ELOVL6: variants seen among roughly 807,000 people sequenced by gnomAD.
The protein encoded by ELOVL6 is ELOVL fatty acid elongase 6, also known as very long chain fatty acid elongase 6.
In ELOVL6, 8 loss-of-function variants were observed where a neutral mutation model predicts 31.7. The observed-to-expected ratio is 0.25, with a 90% CI of 0.15 to 0.45. ELOVL6 has a LOEUF of 0.45. Among genes scored for constraint, ELOVL6 ranks in the 20% least tolerant of loss-of-function variants. The probability of loss-of-function intolerance (pLI) is 1.00; values close to 1 mark genes in which losing one functional copy is unlikely to be tolerated. For missense variants in ELOVL6, 126 were observed against 326.4 expected (o/e 0.39, Z 4.73); for synonymous variants, 101 against 117.7 (o/e 0.86, Z 0.92).
chr4:110,079,328 G>T (rs1414411661), intron 2 of ELOVL6, among the ~76,000 whole-genome samples: 1 of 152,086 alleles, frequency 6.6e-6, no homozygotes, highest in Non-Finnish European at 1.5e-5. Flanking sequence ...AAAATTGACT[G>T]CATAGTTGGA....
chr4:110,190,655 C>A (rs1759587616), intron 1 of ELOVL6, among the ~76,000 whole-genome samples: 1 of 152,110 alleles, frequency 6.6e-6, no homozygotes, highest in African/African-American at 2.4e-5. Context: ...CAGGCGCCCG[C>A]CACCACGCCC....
chr4:110,101,069 T>A (rs570920309), intron 2 of ELOVL6, among the ~76,000 whole-genome samples: 1 of 152,352 alleles, frequency 6.6e-6, no homozygotes, highest in South Asian at 2.1e-4. Context: ...TGAGACAGTC[T>A]TGCTCTGTAG....
At chr4:110,140,311 A>G (rs557905260) in intron 1 of ELOVL6, among the ~76,000 whole-genome samples, 1 of 152,238 alleles carries the variant, frequency 6.6e-6, no homozygotes, top group African/African-American at 2.4e-5. Context: ...CTTACTTCCT[A>G]AACTTTGTGC....
chr4:110,140,894 C>G (rs1214574434), intron 1 of ELOVL6, among the ~76,000 whole-genome samples: 2 of 151,902 alleles, frequency 1.3e-5, no homozygotes, highest in African/African-American at 4.8e-5. Context: ...TAAAGACATA[C>G]CCAAGACTGG....
chr4:110,135,851 G>A (rs897730864), intron 1 of ELOVL6, among the ~76,000 whole-genome samples: 2 of 152,210 alleles, frequency 1.3e-5, no homozygotes, highest in African/African-American at 4.8e-5. Flanking sequence ...GAAGAGAGAA[G>A]ACTGATCACA....
At chr4:110,197,529 G>A (rs1239720478) in intron 1 of ELOVL6, among the ~76,000 whole-genome samples, 2 of 152,118 alleles carry the variant, frequency 1.3e-5, no homozygotes, top group East Asian at 3.9e-4. Context: ...AGGCGTTTCC[G>A]TAAAACAGAA....
At chr4:110,089,697 A>G (rs919339618) in intron 2 of ELOVL6, among the ~76,000 whole-genome samples, 2 of 149,372 alleles carry the variant, frequency 1.3e-5, no homozygotes, top group Non-Finnish European at 3.0e-5. Flanking sequence ...TCCTTGCCCA[A>G]TGAGAGCTTA....
intron 1 of ELOVL6, among the ~76,000 whole-genome samples, chr4:110,130,546 G>A (rs1284217336): frequency 6.6e-6 from 1 of 152,110 alleles, no homozygotes; most frequent in Non-Finnish European, 1.5e-5. Context: ...GGATGCTAAA[G>A]CAAAACCAAC....
intron 2 of ELOVL6, among the ~76,000 whole-genome samples, chr4:110,062,603 A>G (rs1231416810): frequency 2.0e-5 from 3 of 152,198 alleles, no homozygotes; most frequent in Non-Finnish European, 4.4e-5. Context: ...TTCCTCCCCA[A>G]GTTACATTAG....
At chr4:110,096,581 G>C (rs1001673366) in intron 2 of ELOVL6, among the ~76,000 whole-genome samples, 1 of 152,162 alleles carries the variant, frequency 6.6e-6, no homozygotes. Context: ...GGGGATCTGA[G>C]CTAGTCTGGG....
intron 1 of ELOVL6, among the ~76,000 whole-genome samples, chr4:110,107,251 G>A (rs977349018): frequency 6.6e-6 from 1 of 152,140 alleles, no homozygotes; most frequent in Non-Finnish European, 1.5e-5. Flanking sequence ...CAACCCATAA[G>A]TAAATGTTGA....
intron 1 of ELOVL6, among the ~76,000 whole-genome samples, chr4:110,135,521 G>T (rs1757787047): frequency 6.6e-6 from 1 of 152,138 alleles, no homozygotes; most frequent in Admixed American, 6.5e-5. Context: ...AGCTCAATAG[G>T]AACACTTACA....
intron 2 of ELOVL6, among the ~76,000 whole-genome samples, chr4:110,069,173 G>GATAATAATAATAATAAT (rs1560805300): frequency 4.6e-4 from 47 of 102,850 alleles, no homozygotes; most frequent in African/African-American, 1.7e-3. Context: ...ATAATAATAG[G>GATAATAATAATAATAAT]GACACTTGGT....
chr4:110,152,639 T>C (rs1758308037), intron 1 of ELOVL6, among the ~76,000 whole-genome samples: 2 of 152,230 alleles, frequency 1.3e-5, no homozygotes, highest in South Asian at 4.2e-4. Flanking sequence ...ATTCAGTGGG[T>C]CTGGGGTGGG....
chr4:110,104,983 G>C (rs79601358), intron 2 of ELOVL6, among the ~76,000 whole-genome samples: 4 of 152,180 alleles, frequency 2.6e-5, no homozygotes, highest in Admixed American at 2.6e-4. Context: ...AGTCAGTTCG[G>C]GGAATGAGGG....
chr4:110,047,899 A>AAC lies in ELOVL6; in HGVS notation c.*3438_*3439insGT, dbSNP rs1381466886. 6.6e-6 allele frequency: 1 copy of AAC among 151,032 alleles called. No individual in the cohort carries two copies. The highest frequency in any genetic ancestry group is 1.5e-5 in the Non-Finnish European group (1 of 67,854). 9.4% of individuals were successfully genotyped at this position (151,032 alleles called of 1,614,324 possible). ...CAGCAAGAATCCACCTCAAAAAAAA[A>AAC]AAAAAAAAAAAAAAGAAAGACATTC... On this transcript the variant is annotated 3_prime_UTR_variant, in exon 4 of 4. Coordinates refer to ENST00000302274, the MANE Select transcript of ELOVL6 (RefSeq NM_024090.3).
rs539605488 is a variant in ELOVL6 at position 110,190,650 on chromosome 4, G to A, written c.89+7597C>T. ...CCCTGGAGTAGCTGGGATTACAGGCGCCCGCCACCACGCCCGGCTAATTTT... is the reference window on the plus strand; with the variant it reads ...CCCTGGAGTAGCTGGGATTACAGGCACCCGCCACCACGCCCGGCTAATTTT... On this transcript the variant is annotated intron_variant, in intron 1 of 3. Coordinates refer to ENST00000302274, the MANE Select transcript of ELOVL6 (RefSeq NM_024090.3). Among the ~76,000 whole-genome samples, 244 of 151,980 alleles carry A rather than the reference G, an allele frequency of 1.6e-3. 1 individual carries two copies. The highest frequency in any genetic ancestry group is 5.6e-3 in the African/African-American group (232 of 41,468).
intron 1 of ELOVL6, among the ~76,000 whole-genome samples, chr4:110,190,975 T>C (rs896841743): frequency 2.0e-5 from 3 of 151,776 alleles, no homozygotes; most frequent in Non-Finnish European, 2.9e-5. Flanking sequence ...CGTACCACCA[T>C]GACCAGCTAA....
intron 1 of ELOVL6, among the ~76,000 whole-genome samples, chr4:110,145,442 G>C (rs1365633459): frequency 6.6e-6 from 1 of 152,186 alleles, no homozygotes; most frequent in Non-Finnish European, 1.5e-5. Flanking sequence ...AAACTGAGCA[G>C]TTCCCATAGT....
Sources: gnomAD v4.1 joint callset for allele counts (sites outside exome capture counted in the v4.1 genomes callset) on GRCh38, gnomAD v4.1.1 for gene constraint, MANE v1.5 for transcripts, NCBI Gene and HGNC (gene_info 2026-07-23, HGNC 2026-07-21) for gene names.